Variants in SNRPD3 observed in about 807,000 individuals in gnomAD.
SNRPD3 encodes small nuclear ribonucleoprotein D3 polypeptide.
For missense variants in SNRPD3, 73 were observed against 167.5 expected, an observed-to-expected ratio of 0.44 and a Z score of 3.11; for synonymous variants, 66 against 58.4, an observed-to-expected ratio of 1.13 and a Z score of -0.59.
intron 1 of SNRPD3, 84 bp from the exon 2 acceptor site, chr22:24,557,573 C>T (rs1046411215): frequency 2.1e-6 from 2 of 935,246 alleles, no homozygotes; most frequent in Non-Finnish European, 3.3e-6. Flanking sequence ...TTATGGAGTG[C>T]CAGGCCTTAA....
At chr22:24,555,684 TC>T, upstream of SNRPD3, 2 of 1,550,614 alleles carry the variant, frequency 1.3e-6, no homozygotes, top group South Asian at 1.2e-5. Flanking sequence ...CCTCCTGCTG[TC>T]CCCGGTCTGA....
chr22:24,562,386 T>C (rs1448075261), intron 2 of SNRPD3, among the ~76,000 whole-genome samples: 1 of 151,636 alleles, frequency 6.6e-6, no homozygotes, highest in Admixed American at 6.6e-5. Context: ...CTAAAAAAAA[T>C]ACAAAAAATT....
chr22:24,556,239 T>G (rs1329042509), intron 1 of SNRPD3, among the ~76,000 whole-genome samples, 168 bp downstream of exon 1: 1 of 152,212 alleles, frequency 6.6e-6, no homozygotes, highest in Non-Finnish European at 1.5e-5. Context: ...GTAAGTTCAT[T>G]AGCTTTCCCC....
chr22:24,573,215 AAGT>A lies in SNRPD3; in HGVS notation c.*1246_*1248del, dbSNP rs957517785. ...CAAGACTTTGTCTTTAAAGAAAAAT[AAGT>A]AGTAGTAAAGAGTATAAGATACACA... is the stretch of plus-strand genomic sequence containing the variant. On this transcript the variant is annotated 3_prime_UTR_variant, in exon 4 of 4. Coordinates refer to ENST00000215829, the MANE Select transcript of SNRPD3 (RefSeq NM_004175.5). Among the ~76,000 whole-genome samples, 126 of 152,202 alleles carry A rather than the reference AAGT, an allele frequency of 8.3e-4. No individual in the cohort carries two copies. The highest frequency in any genetic ancestry group is 2.6e-3 in the African/African-American group (110 of 41,526).
At chr22:24,556,376 GTTTTTT>G (rs11322582) in intron 1 of SNRPD3, among the ~76,000 whole-genome samples, 1 of 130,354 alleles carries the variant, frequency 7.7e-6, no homozygotes, top group Non-Finnish European at 1.6e-5. Context: ...GTTTTTTTTT[GTTTTTT>G]TTTTTTTAAG....
chr22:24,560,119 C>CCTTGCTATGTCAACCAGGCTGCAGT, intron 2 of SNRPD3, among the ~76,000 whole-genome samples: 1 of 100,266 alleles, frequency 1.0e-5, no homozygotes, highest in South Asian at 3.8e-4. Context: ...TGAGATGGAG[C>CCTTGCTATGTCAACCAGGCTGCAGT]CTTGCTCTGT....
intron 2 of SNRPD3, among the ~76,000 whole-genome samples, chr22:24,560,387 G>T (rs1414381016): frequency 1.4e-5 from 2 of 146,560 alleles, no homozygotes; most frequent in South Asian, 4.4e-4. Flanking sequence ...CTCCCAAAGT[G>T]CTGGGATTAC....
intron 2 of SNRPD3, among the ~76,000 whole-genome samples, chr22:24,563,202 A>ATG (rs1491542810): frequency 0.018 from 2,448 of 138,852 alleles, 77 homozygotes; most frequent in African/African-American, 0.056. Context: ...ACCCTGTCTC[A>ATG]TATATGTGTG....
intron 2 of SNRPD3, among the ~76,000 whole-genome samples, chr22:24,562,094 G>A (rs2045149218): frequency 6.6e-6 from 1 of 152,234 alleles, no homozygotes; most frequent in African/African-American, 2.4e-5. Context: ...CTGGACTTAA[G>A]CGATCCTCCC....
chr22:24,569,159 A>G (rs1272018914), intron 3 of SNRPD3, among the ~76,000 whole-genome samples: 1 of 152,204 alleles, frequency 6.6e-6, no homozygotes, highest in Non-Finnish European at 1.5e-5. Flanking sequence ...GATGGACACC[A>G]GCATGTACTT....
chr22:24,563,204 A>ATGTGTGTGTGTGTGTGTGTG (rs1467545713), intron 2 of SNRPD3, among the ~76,000 whole-genome samples: 1 of 99,342 alleles, frequency 1.0e-5, no homozygotes, highest in South Asian at 3.3e-4. Flanking sequence ...CCTGTCTCAT[A>ATGTGTGTGTGTGTGTGTGTG]TATGTGTGTG....
chr22:24,567,015 G>A (rs1334764816), intron 2 of SNRPD3, among the ~76,000 whole-genome samples: 1 of 152,154 alleles, frequency 6.6e-6, no homozygotes, highest in Non-Finnish European at 1.5e-5. Flanking sequence ...CATCCTGTAG[G>A]CTCCTGCCCA....
At chr22:24,556,322 G>A (rs2045062768) in intron 1 of SNRPD3, among the ~76,000 whole-genome samples, 1 of 151,718 alleles carries the variant, frequency 6.6e-6, no homozygotes, top group South Asian at 2.1e-4. Flanking sequence ...CAGTAATCTC[G>A]AAGTCATTTC....
chr22:24,560,466 T>G (rs1485533629), intron 2 of SNRPD3, among the ~76,000 whole-genome samples: 13 of 63,286 alleles, frequency 2.1e-4, no homozygotes, highest in Non-Finnish European at 3.2e-4. Context: ...TTTTTTTTTT[T>G]GAGAGTCTCA....
At chr22:24,555,764 G>A (rs1327800478), upstream of SNRPD3, 3 of 1,550,408 alleles carry the variant, frequency 1.9e-6, no homozygotes, top group African/African-American at 4.1e-5. Flanking sequence ...GGAAGTGTGA[G>A]CACCCTCTCT....
Position 24,574,830 on chromosome 22 carries a change from G to A in SNRPD3, c.*2853G>A, listed in dbSNP as rs1341489162. ...ATTATAGGTGTGAGCCACTGCACCC[G>A]GCCACCATTATCTTTTGAATCCTCT... On this transcript the variant is annotated 3_prime_UTR_variant, in exon 4 of 4. Transcript: ENST00000215829. 3.9e-5 allele frequency among the ~76,000 whole-genome samples: 6 copies of A among 152,072 alleles called. 1 individual carries two copies. In the South Asian group the frequency reaches 6.2e-4, roughly 16 times the overall value.
intron 2 of SNRPD3, among the ~76,000 whole-genome samples, chr22:24,565,116 C>G (rs138509389): frequency 0.013 from 2,013 of 152,080 alleles, 20 homozygotes; most frequent in Non-Finnish European, 0.019. Context: ...AACTCCTGAC[C>G]TCAAGCAGTC....
At chr22:24,557,364 T>A (rs2045085113) in intron 1 of SNRPD3, among the ~76,000 whole-genome samples, 1 of 152,176 alleles carries the variant, frequency 6.6e-6, no homozygotes, top group African/African-American at 2.4e-5. Context: ...AGCTGAAGAT[T>A]AAGGGACATA....
At position 24,556,568 on chromosome 22, in the gene SNRPD3, C is replaced by T. The variant is rs556285166; in HGVS notation, c.-19+497C>T. Among the ~76,000 whole-genome samples the T allele has an allele frequency of 1.4e-4, 21 of 152,288 alleles. No individual in the cohort carries two copies. In the East Asian group the frequency reaches 3.9e-3, roughly 28 times the overall value. ...CCCCAGTCCCCTTTCAGGCAATGGT[C>T]CCCTCATGCTTTCCACACTGTTGCA... On this transcript the variant is annotated intron_variant, in intron 1 of 3. Transcript: ENST00000215829.
Sources: gnomAD v4.1 joint callset for allele counts (sites outside exome capture counted in the v4.1 genomes callset) on GRCh38, gnomAD v4.1.1 for gene constraint, MANE v1.5 for transcripts, NCBI Gene and HGNC (gene_info 2026-07-23, HGNC 2026-07-21) for gene names.